Variants in SH3KBP1 observed in about 807,000 individuals in gnomAD.
SH3KBP1 encodes the protein SH3 domain-containing kinase-binding protein 1.
Under a neutral mutation model 50.1 loss-of-function variants are expected in SH3KBP1, and 8 were observed. That is an observed-to-expected ratio of 0.16 (90% CI 0.09 to 0.29). The LOEUF (loss-of-function observed/expected upper bound fraction) is 0.29, where lower values mean the gene tolerates loss of function less well. Ranked by LOEUF, SH3KBP1 falls within the 10% of genes least tolerant of loss-of-function variation. SH3KBP1 has a pLI of 1.00. For missense variants in SH3KBP1, 377 were observed against 535.2 expected (o/e 0.70, Z 2.92); for synonymous variants, 227 against 218.6 (o/e 1.04, Z -0.34).
intron 12 of SH3KBP1, among the ~76,000 whole-genome samples, chrX:19,579,177 G>A (rs752284581): frequency 3.6e-5 from 4 of 112,063 alleles, no homozygotes; most frequent in East Asian, 5.6e-4. Context: ...GGAAGGTGAT[G>A]GGAAAGTGCT....
At chrX:19,768,476 G>A (rs72616090) in intron 2 of SH3KBP1, among the ~76,000 whole-genome samples, 1 of 97,094 alleles carries the variant, frequency 1.0e-5, no homozygotes, top group African/African-American at 3.8e-5. Context: ...TCCACCTAAC[G>A]CCACTGACTC....
intron 2 of SH3KBP1, among the ~76,000 whole-genome samples, chrX:19,827,781 C>CCT (rs2067727854): frequency 2.8e-5 from 1 of 36,224 alleles, no homozygotes; most frequent in African/African-American, 1.1e-4. Flanking sequence ...GAAGTGCAGT[C>CCT]TTTTTTTTTT....
At chrX:19,797,963 G>A (rs1324512675) in intron 2 of SH3KBP1, among the ~76,000 whole-genome samples, 1 of 110,831 alleles carries the variant, frequency 9.0e-6, no homozygotes, top group Non-Finnish European at 1.9e-5. Context: ...CATGGTGGCT[G>A]CCTAAATTCA....
At chrX:19,747,604 G>A in intron 2 of SH3KBP1, 1 of 341,552 alleles carries the variant, frequency 2.9e-6, no homozygotes, top group South Asian at 2.6e-5. Flanking sequence ...AGCAACAAAA[G>A]TTTGTCAAAA....
intron 8 of SH3KBP1, among the ~76,000 whole-genome samples, chrX:19,630,603 T>C (rs2061553745): frequency 8.9e-6 from 1 of 111,765 alleles, no homozygotes; most frequent in Admixed American, 9.5e-5. Context: ...GGTAAAAAGA[T>C]GGACGAGTTC....
chrX:19,766,545 C>T (rs759035942), intron 2 of SH3KBP1, among the ~76,000 whole-genome samples: 1 of 82,874 alleles, frequency 1.2e-5, no homozygotes, highest in East Asian at 3.7e-4. Context: ...TGCTCCGTCG[C>T]CCAGGCTGGA....
chrX:19,567,533 A>AT (rs2065880788), intron 13 of SH3KBP1, among the ~76,000 whole-genome samples: 1 of 59,020 alleles, frequency 1.7e-5, no homozygotes, highest in African/African-American at 8.8e-5. Flanking sequence ...AAAAAAAAAA[A>AT]AAAAAAAAAA....
chrX:19,713,947 T>C (rs2063840113), intron 3 of SH3KBP1, among the ~76,000 whole-genome samples: 1 of 111,972 alleles, frequency 8.9e-6, no homozygotes, highest in African/African-American at 3.3e-5. Flanking sequence ...TAAGTGTCCA[T>C]CAACAGAAAA....
intron 2 of SH3KBP1, among the ~76,000 whole-genome samples, chrX:19,754,581 T>A: frequency 9.0e-6 from 1 of 111,522 alleles, no homozygotes; most frequent in African/African-American, 3.3e-5. Flanking sequence ...GATTCTCCTG[T>A]CTCAGTCTGC....
chrX:19,795,988 A>C (rs964707241), intron 2 of SH3KBP1, among the ~76,000 whole-genome samples: 3 of 111,915 alleles, frequency 2.7e-5, no homozygotes, highest in African/African-American at 9.8e-5. Context: ...ACTGTTTTCA[A>C]ATGGACTGCC....
chrX:19,550,517 C>T (rs1249425721), intron 13 of SH3KBP1, among the ~76,000 whole-genome samples: 1 of 111,595 alleles, frequency 9.0e-6, no homozygotes, highest in East Asian at 2.8e-4. Context: ...TTCCAAAAGA[C>T]AAGAAGAGAT....
intron 8 of SH3KBP1, among the ~76,000 whole-genome samples, chrX:19,618,745 G>A (rs2067704227): frequency 9.0e-6 from 1 of 110,669 alleles, no homozygotes; most frequent in Admixed American, 9.7e-5. Context: ...GGAGGCTGAG[G>A]TGAGCGGATC....
At chrX:19,873,313 CATAT>C (rs1322830157) in intron 1 of SH3KBP1, among the ~76,000 whole-genome samples, 85 of 88,199 alleles carry the variant, frequency 9.6e-4, no homozygotes, top group African/African-American at 2.7e-3. Flanking sequence ...TATATATATA[CATAT>C]ACATATATAT....
intron 1 of SH3KBP1, among the ~76,000 whole-genome samples, chrX:19,869,591 G>A (rs905312020): frequency 8.9e-6 from 1 of 112,449 alleles, no homozygotes; most frequent in African/African-American, 3.2e-5. Flanking sequence ...GCAGTAGCCT[G>A]AGAAGGAAAC....
chrX:19,791,331 T>A (rs2066522150), intron 2 of SH3KBP1, among the ~76,000 whole-genome samples: 1 of 111,174 alleles, frequency 9.0e-6, no homozygotes, highest in South Asian at 3.8e-4. Context: ...GATAGACTCA[T>A]AATAGAAGGT....
At chrX:19,760,046 C>CCCTCTCTCTCTCTA (rs2065356345) in intron 2 of SH3KBP1, among the ~76,000 whole-genome samples, 1 of 65,067 alleles carries the variant, frequency 1.5e-5, no homozygotes, top group African/African-American at 6.1e-5. Context: ...CTCTCCCTCT[C>CCCTCTCTCTCTCTA]TCTCTCTCTC....
intron 1 of SH3KBP1, among the ~76,000 whole-genome samples, chrX:19,870,606 A>G (rs2069015814): frequency 8.9e-6 from 1 of 112,110 alleles, no homozygotes; most frequent in African/African-American, 3.2e-5. Flanking sequence ...TTGTCCTACC[A>G]AAGTGCTGGG....
In SH3KBP1 at chrX:19,732,368, G is replaced by C. The variant is rs139805365; in HGVS notation, c.286+13950C>G. Among the ~76,000 whole-genome samples the C allele has an allele frequency of 7.1e-3, 780 of 109,824 alleles. 5 individuals are homozygous for C. The highest frequency in any genetic ancestry group is 0.011 in the Admixed American group (108 of 10,235). The stretch of plus-strand genomic sequence containing the variant: ...GCAGATTGGTTCCAGGACCCTTAGC[G>C]CATCCCAAAATCCACACATCCTTAA... On this transcript the variant is annotated intron_variant, in intron 3 of 17. Transcript: ENST00000397821.
intron 1 of SH3KBP1, among the ~76,000 whole-genome samples, chrX:19,849,266 C>T (rs113963869): frequency 0.15 from 16,328 of 110,756 alleles, 975 homozygotes; most frequent in African/African-American, 0.19. Flanking sequence ...ACAGAACGTC[C>T]GAAAATATGT....
Sources: gnomAD v4.1 joint callset for allele counts (sites outside exome capture counted in the v4.1 genomes callset) on GRCh38, gnomAD v4.1.1 for gene constraint, MANE v1.5 for transcripts, NCBI Gene and HGNC (gene_info 2026-07-23, HGNC 2026-07-21) for gene names.